Variants in RNF38 observed in about 807,000 individuals in gnomAD.
RNF38 encodes the protein E3 ubiquitin-protein ligase RNF38.
A neutral mutation model predicts 67.2 loss-of-function variants in RNF38; 15 were observed. The observed-to-expected ratio is 0.22, with a 90% CI of 0.15 to 0.34. The LOEUF is 0.34. Among genes scored for constraint, RNF38 ranks in the 10% least tolerant of loss-of-function variants. RNF38 has a pLI of 1.00. For synonymous variants in RNF38, 220 were observed against 218.8 expected, an observed-to-expected ratio of 1.01 and a Z score of -0.05; for missense variants, 524 against 639.9, an observed-to-expected ratio of 0.82 and a Z score of 1.95.
chr9:36,412,526 C>T (rs758271510), intron 2 of RNF38, among the ~76,000 whole-genome samples: 7 of 152,202 alleles, frequency 4.6e-5, no homozygotes, highest in Non-Finnish European at 7.3e-5. Flanking sequence ...GATGGGACTT[C>T]GTGGGAGGTA....
At chr9:36,440,388 G>A (rs1210110439) in intron 1 of RNF38, among the ~76,000 whole-genome samples, 4 of 151,766 alleles carry the variant, frequency 2.6e-5, no homozygotes, top group Non-Finnish European at 5.9e-5. Context: ...AAAATTAACC[G>A]CGTGTGGTGG....
At chr9:36,411,062 T>TA (rs1332253551) in intron 2 of RNF38, among the ~76,000 whole-genome samples, 1 of 149,100 alleles carries the variant, frequency 6.7e-6, no homozygotes, top group African/African-American at 2.5e-5. Context: ...TTTATTACAG[T>TA]AAAAAATGTA....
In RNF38 at chr9:36,353,351, A is replaced by C. The variant is rs1487560713; in HGVS notation, c.910-20T>G. 7.9e-6 allele frequency: 12 copies of C among 1,523,132 alleles called. No individual in the cohort carries two copies. The highest frequency in any genetic ancestry group is 3.8e-5 in the South Asian group (3 of 79,434). The allele number at this position is 1,523,132 out of a possible 1,614,324, so 94.4% of individuals were successfully genotyped here. A position where few individuals can be genotyped will look rare whatever the true frequency, so the allele number is the denominator to read the frequency against. On this transcript the variant is annotated intron_variant, in intron 6 of 11. Coordinates refer to ENST00000259605, the MANE Select transcript of RNF38 (RefSeq NM_022781.5). ...CAGAGGCTGAGGAGGGGGAAAAAAA[A>C]ACACATATATGTATATATATATATA...
chr9:36,343,681 C>T lies in RNF38; in HGVS notation c.1385+1151G>A, dbSNP rs561933823. On this transcript the variant is annotated intron_variant, in intron 10 of 11. Transcript: ENST00000259605. ...GGAAACCCAAATGTCCATCCATCGA[C>T]GAAAAAAAAATATGATCTATACAAT... 2.4e-4 allele frequency among the ~76,000 whole-genome samples: 36 copies of T among 149,796 alleles called. No individual in the cohort carries two copies. The East Asian group carries it at 3.9e-3, about 16-fold the overall frequency.
chr9:36,370,443 C>G (rs2133787858), intron 3 of RNF38, among the ~76,000 whole-genome samples: 1 of 152,168 alleles, frequency 6.6e-6, no homozygotes, highest in Middle Eastern at 3.4e-3. Flanking sequence ...AACCAAAGAA[C>G]ATATAATTTG....
At chr9:36,357,255 G>C (rs1031375445) in intron 5 of RNF38, among the ~76,000 whole-genome samples, 1 of 152,142 alleles carries the variant, frequency 6.6e-6, no homozygotes, top group Non-Finnish European at 1.5e-5. Context: ...CTACGGCACT[G>C]AGCAAGTCAT....
chr9:36,455,302 T>C lies in RNF38; in HGVS notation n.242-30619A>G, dbSNP rs376147582. ...GTCTCAAACTCCAGGCCTCCAGTGA[T>C]CCACCTGCCTCGGCCTCCCAAAGTG... On this transcript the variant is annotated intron_variant and non_coding_transcript_variant, in intron 1 of 3. Coordinates refer to the RNF38 transcript ENST00000488058. 7.4e-4 allele frequency among the ~76,000 whole-genome samples: 112 copies of C among 152,086 alleles called. 2 individuals carry two copies. In the South Asian group the frequency reaches 0.022, roughly 30 times the overall value.
chr9:36,377,672 C>A (rs1835886011), intron 2 of RNF38, among the ~76,000 whole-genome samples: 1 of 152,162 alleles, frequency 6.6e-6, no homozygotes, highest in Admixed American at 6.5e-5. Flanking sequence ...ACCACTCCCC[C>A]ATACCAAAAT....
chr9:36,410,471 C>T (rs1192444713), intron 2 of RNF38, among the ~76,000 whole-genome samples: 1 of 152,086 alleles, frequency 6.6e-6, no homozygotes, highest in African/African-American at 2.4e-5. Context: ...GGATTACAGG[C>T]GTCCACCACC....
At chr9:36,459,113 CAGG>C (rs1357463062) in intron 1 of RNF38, among the ~76,000 whole-genome samples, 1 of 151,348 alleles carries the variant, frequency 6.6e-6, no homozygotes, top group Non-Finnish European at 1.5e-5. Context: ...GAGGCTGAGG[CAGG>C]AGAATCACTT....
intron 1 of RNF38, among the ~76,000 whole-genome samples, chr9:36,399,662 A>C (rs569802470): frequency 2.0e-5 from 3 of 151,936 alleles, no homozygotes; most frequent in Admixed American, 2.0e-4. Flanking sequence ...TCTGACATCT[A>C]TATGTATGTG....
intron 2 of RNF38, among the ~76,000 whole-genome samples, chr9:36,417,163 AG>A (rs1311112171): frequency 2.0e-5 from 3 of 152,170 alleles, no homozygotes; most frequent in African/African-American, 7.2e-5. Context: ...TTCCCCAGTG[AG>A]GATGTGTGTT....
At chr9:36,387,128 T>C (rs1322903185) in intron 2 of RNF38, among the ~76,000 whole-genome samples, 1 of 152,186 alleles carries the variant, frequency 6.6e-6, no homozygotes. Context: ...AAATGAGGCA[T>C]GAATAATCCA....
At position 36,337,080 on chromosome 9, in the gene RNF38, T is replaced by C. The variant is rs1201901923; in HGVS notation, c.*2672A>G. 1 of 152,058 alleles carries C rather than the reference T, an allele frequency of 6.6e-6. No homozygotes were observed. Among genetic ancestry groups the C allele is most frequent in the Non-Finnish European group, 1.5e-5 (1 of 67,994 alleles). 9.4% of individuals were successfully genotyped at this position (152,058 alleles called of 1,614,324 possible). A position where few individuals can be genotyped will look rare whatever the true frequency, so the allele number is the denominator to read the frequency against. ...GTTAAGATGGTAAAGCCAATATTAT[T>C]TTAGGAGGAAAGAGGACGAAGGCCA... On this transcript the variant is annotated 3_prime_UTR_variant, in exon 12 of 12. Coordinates refer to ENST00000259605, the MANE Select transcript of RNF38 (RefSeq NM_022781.5).
At chr9:36,345,050 G>A in intron 9 of RNF38, 97 bp from the exon 10 acceptor site, 2 of 1,333,656 alleles carry the variant, frequency 1.5e-6, no homozygotes, top group Non-Finnish European at 1.0e-6. Context: ...ATGTTGCCCA[G>A]GCTAGAGTAT....
intron 4 of RNF38, among the ~76,000 whole-genome samples, chr9:36,360,508 T>C (rs903599913): frequency 1.3e-4 from 20 of 152,290 alleles, no homozygotes; most frequent in Non-Finnish European, 2.1e-4. Flanking sequence ...GCATCTCTAA[T>C]CCCAAAATCT....
chr9:36,429,344 C>T (rs1316165180), intron 1 of RNF38, among the ~76,000 whole-genome samples: 1 of 152,192 alleles, frequency 6.6e-6, no homozygotes, highest in African/African-American at 2.4e-5. Context: ...TCTGTGGGAG[C>T]TTGGTCCCAG....
intron 2 of RNF38, among the ~76,000 whole-genome samples, chr9:36,386,469 A>T (rs1836646288): frequency 6.6e-6 from 1 of 152,192 alleles, no homozygotes; most frequent in Non-Finnish European, 1.5e-5. Flanking sequence ...AGCTTTTCAA[A>T]TTTTCATTCA....
intron 1 of RNF38, among the ~76,000 whole-genome samples, chr9:36,439,134 A>C (rs989601055): frequency 2.6e-5 from 4 of 152,264 alleles, no homozygotes; most frequent in Non-Finnish European, 5.9e-5. Flanking sequence ...ATTTATTGAA[A>C]TAGAACACAA....
Sources: gnomAD v4.1 joint callset for allele counts (sites outside exome capture counted in the v4.1 genomes callset) on GRCh38, gnomAD v4.1.1 for gene constraint, MANE v1.5 for transcripts, NCBI Gene and HGNC (gene_info 2026-07-23, HGNC 2026-07-21) for gene names.